The following GBE1 variants were observed in gnomAD, a reference collection of about 807,000 sequenced individuals.
GBE1 encodes the protein 1,4-alpha-glucan-branching enzyme.
A neutral mutation model predicts 88.8 loss-of-function variants in GBE1; 70 were observed. The observed-to-expected ratio is 0.79, with a 90% confidence interval of 0.65 to 0.96. The LOEUF (loss-of-function observed/expected upper bound fraction) is 0.96, where lower values mean the gene tolerates loss of function less well. Ranked by LOEUF, GBE1 falls within the 40% of genes least tolerant of loss-of-function variation. The pLI is 0.00. For missense variants in GBE1, 872 were observed against 871.0 expected (o/e 1.00, Z -0.01); for synonymous variants, 284 against 300.1 (o/e 0.95, Z 0.56).
intron 7 of GBE1, among the ~76,000 whole-genome samples, chr3:81,611,516 A>G (rs1050322440): frequency 6.6e-6 from 1 of 152,206 alleles, no homozygotes; most frequent in Admixed American, 6.5e-5. Flanking sequence ...TCCATGGGTT[A>G]CAAATTGGTA....
At chr3:81,505,850 A>G (rs1702646471) in intron 14 of GBE1, among the ~76,000 whole-genome samples, 1 of 152,116 alleles carries the variant, frequency 6.6e-6, no homozygotes, top group Non-Finnish European at 1.5e-5. Flanking sequence ...ATCATTAAAA[A>G]TGACAGTTCT....
At chr3:81,583,623 C>CTAACTGAA (rs900006675) in intron 10 of GBE1, among the ~76,000 whole-genome samples, 2 of 151,954 alleles carry the variant, frequency 1.3e-5, no homozygotes, top group African/African-American at 4.8e-5. Flanking sequence ...GAAAATTTTG[C>CTAACTGAA]TAACTGAAAA....
At chr3:81,532,458 A>G (rs1230796996) in intron 14 of GBE1, among the ~76,000 whole-genome samples, 2 of 152,052 alleles carry the variant, frequency 1.3e-5, no homozygotes, top group Non-Finnish European at 2.9e-5. Flanking sequence ...TTCCTTCACT[A>G]TAAGAAAGGG....
chr3:81,611,024 T>C (rs953122169), intron 7 of GBE1, among the ~76,000 whole-genome samples: 1 of 152,020 alleles, frequency 6.6e-6, no homozygotes, highest in Admixed American at 6.6e-5. Flanking sequence ...AAGTAATCTT[T>C]ATAGTACTCT....
chr3:81,505,558 T>G lies in GBE1; in HGVS notation c.1935-6331A>C, dbSNP rs115384118. Among the ~76,000 whole-genome samples, 1,112 of 152,304 alleles carry G rather than the reference T, an allele frequency of 7.3e-3. 13 individuals carry two copies. Among genetic ancestry groups the G allele is most frequent in the Middle Eastern group, 0.027 (8 of 294 alleles). ...ATCTCAAATAGATCTGTCCATTTAT[T>G]TTATAAACATAGCCAAATTATGCCT... On this transcript the variant is annotated intron_variant, in intron 14 of 15. Coordinates refer to ENST00000429644, the MANE Select transcript of GBE1 (RefSeq NM_000158.4).
At chr3:81,697,229 A>G (rs928575596) in intron 2 of GBE1, among the ~76,000 whole-genome samples, 2 of 152,156 alleles carry the variant, frequency 1.3e-5, no homozygotes, top group African/African-American at 4.8e-5. Context: ...CCAGTTTTGT[A>G]TAAAGGATAT....
chr3:81,690,267 C>T (rs1246862564), intron 2 of GBE1, among the ~76,000 whole-genome samples: 1 of 152,146 alleles, frequency 6.6e-6, no homozygotes, highest in Non-Finnish European at 1.5e-5. Flanking sequence ...TATGTTCATC[C>T]CCTCAGCGCT....
At chr3:81,591,747 T>G (rs893683441) in intron 8 of GBE1, among the ~76,000 whole-genome samples, 1 of 152,160 alleles carries the variant, frequency 6.6e-6, no homozygotes, top group Non-Finnish European at 1.5e-5. Flanking sequence ...GGTTATACCA[T>G]TTACTTTCTA....
rs1033929700 is a variant in GBE1, at chr3:81,649,116, G to A, written c.556-125C>T. ...CTTGGAACTATTCTCACATATAAAA[G>A]GCACCAGCTACACTCACTAAATTTT... On this transcript the variant is annotated intron_variant, in intron 4 of 15. Transcript: ENST00000429644. 9.5e-6 allele frequency: 6 copies of A among 631,932 alleles called. No homozygotes were observed. In the African/African-American group the frequency reaches 1.2e-4, roughly 12 times the overall value. 39.1% of individuals were successfully genotyped at this position (631,932 alleles called of 1,614,324 possible). A position where few individuals can be genotyped will look rare whatever the true frequency, so the allele number is the denominator to read the frequency against.
At chr3:81,639,634 T>C (rs1479856513) in intron 7 of GBE1, among the ~76,000 whole-genome samples, 1 of 152,144 alleles carries the variant, frequency 6.6e-6, no homozygotes, top group Non-Finnish European at 1.5e-5. Context: ...GATTGACCAG[T>C]AGTTTTCAAC....
At chr3:81,662,894 G>T (rs1705050308) in intron 3 of GBE1, among the ~76,000 whole-genome samples, 1 of 152,102 alleles carries the variant, frequency 6.6e-6, no homozygotes, top group Non-Finnish European at 1.5e-5. Flanking sequence ...TTTCAACATG[G>T]TTAATGAACT....
chr3:81,512,291 G>A (rs1055968573), intron 14 of GBE1, among the ~76,000 whole-genome samples: 7 of 151,616 alleles, frequency 4.6e-5, no homozygotes, highest in East Asian at 1.9e-4. Flanking sequence ...CCAAAACTTC[G>A]CAACACACAA....
At chr3:81,761,310 T>G in intron 1 of GBE1, 65 bp downstream of exon 1, 1 of 1,539,628 alleles carries the variant, frequency 6.5e-7, no homozygotes, top group South Asian at 1.2e-5. Context: ...GCGGCCCGTG[T>G]CCCGAGACGG....
intron 7 of GBE1, among the ~76,000 whole-genome samples, chr3:81,605,483 C>T (rs112034093): frequency 8.6e-5 from 13 of 152,034 alleles, no homozygotes; most frequent in African/African-American, 2.7e-4. Flanking sequence ...TACATGGAAA[C>T]GCACATAACA....
At chr3:81,713,104 G>A (rs1213188526) in intron 1 of GBE1, among the ~76,000 whole-genome samples, 1 of 152,190 alleles carries the variant, frequency 6.6e-6, no homozygotes, top group East Asian at 1.9e-4. Context: ...ATGTTCATCT[G>A]TGCAATGGGA....
At chr3:81,500,558 A>G (rs1433890371) in intron 14 of GBE1, among the ~76,000 whole-genome samples, 1 of 152,222 alleles carries the variant, frequency 6.6e-6, no homozygotes, top group East Asian at 1.9e-4. Context: ...TAAAATACCA[A>G]TTAATGAATT....
In GBE1 at chr3:81,705,607, C is replaced by T; in HGVS notation, c.150G>A (p.Lys50=). The change falls in exon 2 of 16, where the codon AAG becomes AAA. Residue 50 remains lysine (K), a synonymous_variant. Coordinates refer to ENST00000429644, the MANE Select transcript of GBE1 (RefSeq NM_000158.4). ...TGTTCTTCAAAATTTGGCTAAACTG[C>T]TTATACCTTTGAAGAAGTATGAAAG... is the stretch of plus-strand genomic sequence containing the variant. ...PYAVDFQRRY[K]QFSQILKNIG... is the part of the protein sequence containing the mutation. 3 of 1,541,202 alleles carry T rather than the reference C, an allele frequency of 1.9e-6. No individual in the cohort carries two copies. The highest frequency in any genetic ancestry group is 2.6e-6 in the Non-Finnish European group (3 of 1,144,032).
chr3:81,672,980 C>T (rs1705208917), intron 2 of GBE1, among the ~76,000 whole-genome samples: 1 of 151,830 alleles, frequency 6.6e-6, no homozygotes, highest in East Asian at 1.9e-4. Context: ...TAAACAGTTA[C>T]CTATTCTCCA....
chr3:81,564,310 G>A (rs1703461794), intron 12 of GBE1, among the ~76,000 whole-genome samples: 2 of 152,020 alleles, frequency 1.3e-5, no homozygotes, highest in Admixed American at 6.6e-5. Flanking sequence ...CGCAGTGGGT[G>A]TATTCCTATG....
Sources: allele counts gnomAD v4.1 joint callset (sites outside exome capture counted in the v4.1 genomes callset), GRCh38; gene constraint gnomAD v4.1.1; transcripts MANE v1.5; gene names NCBI Gene and HGNC (gene_info 2026-07-23, HGNC 2026-07-21).